Variants in ARIH2 observed in about 807,000 individuals in gnomAD.
ARIH2 encodes E3 ubiquitin-protein ligase ARIH2.
A neutral mutation model predicts 79.8 loss-of-function variants in ARIH2; 12 were observed. The ratio of observed to expected loss-of-function variants is 0.15; its 90% CI spans 0.10 to 0.24. The LOEUF (loss-of-function observed/expected upper bound fraction) is 0.24, where lower values mean the gene tolerates loss of function less well. ARIH2 is among the 10% of genes least tolerant of loss of function. The pLI is 1.00. For synonymous variants in ARIH2, 224 were observed against 213.9 expected, an observed-to-expected ratio of 1.05 and a Z score of -0.41; for missense variants, 301 against 618.3, an observed-to-expected ratio of 0.49 and a Z score of 5.44.
chr3:48,936,332 A>G (rs1389043565), intron 3 of ARIH2, among the ~76,000 whole-genome samples: 1 of 152,230 alleles, frequency 6.6e-6, no homozygotes, highest in East Asian at 1.9e-4. Flanking sequence ...TCCTCCTGAA[A>G]TGTATCTGCC....
intron 1 of ARIH2, chr3:48,919,356 G>A: frequency 1.7e-6 from 1 of 604,094 alleles, no homozygotes; most frequent in African/African-American, 1.9e-5. Flanking sequence ...TCGCAGCGCT[G>A]CCCGCGCGGT....
At chr3:48,940,808 A>AAAAATATATATAT (rs759369585) in intron 3 of ARIH2, among the ~76,000 whole-genome samples, 2 of 98,044 alleles carry the variant, frequency 2.0e-5, no homozygotes, top group African/African-American at 4.1e-5. Flanking sequence ...AAAAAAAAAA[A>AAAAATATATATAT]ATATATATAT....
rs374606184 is a variant in ARIH2, at chr3:48,956,955, T to G, written c.256-4657T>G. On this transcript the variant is annotated intron_variant, in intron 3 of 15. Coordinates refer to ENST00000356401, the MANE Select transcript of ARIH2 (RefSeq NM_006321.4). ...CTCAAACTCCTGACGTCAAGTGATCTGCCCGCCTCGGCCTCCCAAAGTGCT... is the reference window on the plus strand; with the variant it reads ...CTCAAACTCCTGACGTCAAGTGATCGGCCCGCCTCGGCCTCCCAAAGTGCT... Among the ~76,000 whole-genome samples the G allele has an allele frequency of 1.2e-4, 18 of 151,762 alleles. No individual in the cohort carries two copies. In the East Asian group the frequency reaches 2.6e-3, roughly 22 times the overall value.
At chr3:48,979,453 G>C (rs752387165) in intron 11 of ARIH2, 29 bp from the exon 12 acceptor site, 26 of 1,607,398 alleles carry the variant, frequency 1.6e-5, no homozygotes, top group Middle Eastern at 3.4e-4. Context: ...TCTTGTAGAT[G>C]TAAATGACTC....
chr3:48,985,849 T>C lies in ARIH2; in HGVS notation c.*2579T>C, dbSNP rs965147659. 2 of 152,184 alleles carry C rather than the reference T, an allele frequency of 1.3e-5. No homozygotes were observed. The highest frequency in any genetic ancestry group is 4.8e-5 in the African/African-American group (2 of 41,438). 9.4% of individuals were successfully genotyped at this position (152,184 alleles called of 1,614,324 possible). On this transcript the variant is annotated 3_prime_UTR_variant, in exon 16 of 16. Coordinates refer to ENST00000356401, the MANE Select transcript of ARIH2 (RefSeq NM_006321.4). The stretch of plus-strand genomic sequence containing the variant: ...GGTTGTGGTAGAGTACTGATATAAA[T>C]GTCCCAACCCCCCCATTCTGAGACC...
chr3:48,978,581 A>G (rs925846996), intron 11 of ARIH2, among the ~76,000 whole-genome samples: 4 of 149,402 alleles, frequency 2.7e-5, no homozygotes, highest in Non-Finnish European at 5.9e-5. Flanking sequence ...GGCCTCCCAG[A>G]GTGCTGGTAT....
chr3:48,939,892 A>G (rs2087822764), intron 3 of ARIH2, among the ~76,000 whole-genome samples: 1 of 151,964 alleles, frequency 6.6e-6, no homozygotes, highest in South Asian at 2.1e-4. Context: ...TGCAACCATC[A>G]TCTTCATCTT....
chr3:48,982,174 A>G (rs2092773910), intron 14 of ARIH2, among the ~76,000 whole-genome samples: 1 of 152,238 alleles, frequency 6.6e-6, no homozygotes. Flanking sequence ...TAAATGCTGG[A>G]AAACAGAAAA....
chr3:48,975,241 A>G, intron 11 of ARIH2: 1 of 588,596 alleles, frequency 1.7e-6, no homozygotes. Context: ...TCAGTTATCC[A>G]AGAAGATGAT....
intron 11 of ARIH2, 140 bp from the exon 12 acceptor site, chr3:48,979,342 C>G: frequency 1.2e-6 from 1 of 801,530 alleles, no homozygotes; most frequent in Non-Finnish European, 1.9e-6. Flanking sequence ...GTGCACATTC[C>G]TTCGGGAAAG....
chr3:48,944,376 G>A (rs2088810487), intron 3 of ARIH2, among the ~76,000 whole-genome samples: 1 of 152,102 alleles, frequency 6.6e-6, no homozygotes, highest in Non-Finnish European at 1.5e-5. Flanking sequence ...TATTGAGTGA[G>A]GTCTTTGGTT....
At chr3:48,968,312 A>G (rs1334963739) in intron 6 of ARIH2, 3 of 338,788 alleles carry the variant, frequency 8.9e-6, no homozygotes, top group South Asian at 4.8e-5. Flanking sequence ...GGTTCACGCC[A>G]TTCTCCTGCC....
intron 2 of ARIH2, among the ~76,000 whole-genome samples, chr3:48,923,913 C>G (rs769792216): frequency 6.6e-6 from 1 of 152,126 alleles, no homozygotes; most frequent in Non-Finnish European, 1.5e-5. Context: ...GCAGGAGGAT[C>G]GCTTGAGGCC....
At position 48,943,394 on chromosome 3, in the gene ARIH2, T is replaced by C. The variant is rs371466096; in HGVS notation, c.255+15581T>C. 2.0e-5 allele frequency: 3 copies of C among 152,326 alleles called. No individual in the cohort carries two copies. In the East Asian group the frequency reaches 5.8e-4, roughly 29 times the overall value. 9.4% of individuals were successfully genotyped at this position (152,326 alleles called of 1,614,324 possible). ...GAAGCTGTGTCTGACCTCTCCTGTA[T>C]CCCTGTGCATTCCTGAGGGCTTGGA... is the stretch of plus-strand genomic sequence containing the variant. On this transcript the variant is annotated intron_variant, in intron 3 of 15. Coordinates refer to ENST00000356401, the MANE Select transcript of ARIH2 (RefSeq NM_006321.4).
At chr3:48,940,577 T>G (rs2107209618) in intron 3 of ARIH2, among the ~76,000 whole-genome samples, 1 of 151,346 alleles carries the variant, frequency 6.6e-6, no homozygotes, top group South Asian at 2.1e-4. Context: ...TCATGGACAT[T>G]TATTAGTTCC....
At chr3:48,972,509 T>C (rs956016541) in intron 8 of ARIH2, among the ~76,000 whole-genome samples, 10 of 152,052 alleles carry the variant, frequency 6.6e-5, no homozygotes, top group African/African-American at 1.9e-4. Context: ...CCAGGAATAG[T>C]GGCAGGAGCC....
Position 48,934,956 on chromosome 3 carries a change from TTG to T in ARIH2, c.255+7151_255+7152del, listed in dbSNP as rs1359667257. On this transcript the variant is annotated intron_variant, in intron 3 of 15. Coordinates refer to ENST00000356401, the MANE Select transcript of ARIH2 (RefSeq NM_006321.4). ...GTGTAATCAAGGGGTGATACGGTAT[TTG>T]TGTGTGTTTGTTTTTTTTTGACATT... 6 of 985,174 alleles carry T rather than the reference TTG, an allele frequency of 6.1e-6. No individual in the cohort carries two copies. The East Asian group carries it at 4.5e-4, about 74-fold the overall frequency. 61.0% of individuals were successfully genotyped at this position (985,174 alleles called of 1,614,324 possible). A position where few individuals can be genotyped will look rare whatever the true frequency, so the allele number is the denominator to read the frequency against.
At chr3:48,938,951 A>G (rs941550154) in intron 3 of ARIH2, among the ~76,000 whole-genome samples, 2 of 151,266 alleles carry the variant, frequency 1.3e-5, no homozygotes, top group Admixed American at 6.6e-5. Flanking sequence ...CAACTACATA[A>G]AAACAAAAGA....
intron 3 of ARIH2, among the ~76,000 whole-genome samples, chr3:48,928,900 T>G (rs2086000255): frequency 6.6e-6 from 1 of 152,050 alleles, no homozygotes; most frequent in Non-Finnish European, 1.5e-5. Context: ...CAGAAAACTC[T>G]GAAGAATGAG....
Sources: gnomAD v4.1 joint callset for allele counts (sites outside exome capture counted in the v4.1 genomes callset) on GRCh38, gnomAD v4.1.1 for gene constraint, MANE v1.5 for transcripts, NCBI Gene and HGNC (gene_info 2026-07-23, HGNC 2026-07-21) for gene names.